Variants in LRRC7 observed in about 807,000 individuals in gnomAD.
The protein encoded by LRRC7 is leucine-rich repeat-containing protein 7.
In LRRC7, 23 loss-of-function variants were observed where a neutral mutation model predicts 175.7. The observed-to-expected ratio is 0.13, with a 90% CI of 0.09 to 0.19. The LOEUF (loss-of-function observed/expected upper bound fraction) is 0.19. Ranked by LOEUF, LRRC7 falls within the 10% of genes least tolerant of loss-of-function variation. LRRC7 has a pLI of 1.00. For missense variants in LRRC7, 1,354 were observed against 1,904.7 expected (o/e 0.71, Z 5.38); for synonymous variants, 685 against 680.9 (o/e 1.01, Z -0.09).
chr1:69,759,186 A>C (rs957989587), intron 2 of LRRC7, among the ~76,000 whole-genome samples: 1 of 152,038 alleles, frequency 6.6e-6, no homozygotes, highest in Admixed American at 6.6e-5. Flanking sequence ...AGCAATTATC[A>C]GTAGCTGACG....
At chr1:69,657,432 A>G (rs1211708706) in intron 1 of LRRC7, among the ~76,000 whole-genome samples, 3 of 151,990 alleles carry the variant, frequency 2.0e-5, no homozygotes, top group South Asian at 2.1e-4. Context: ...AAAATCATAT[A>G]TGGAAGCAGA....
chr1:69,922,833 T>C (rs1258956461), intron 7 of LRRC7, among the ~76,000 whole-genome samples: 1 of 152,084 alleles, frequency 6.6e-6, no homozygotes, highest in Non-Finnish European at 1.5e-5. Context: ...TATTATACTT[T>C]AAGTTTTAGG....
intron 25 of LRRC7, among the ~76,000 whole-genome samples, chr1:70,101,412 G>A (rs1488492978): frequency 1.3e-5 from 2 of 152,166 alleles, no homozygotes; most frequent in South Asian, 4.1e-4. Context: ...TGAAGTCATA[G>A]GTCCCTTAAG....
rs1680577104 is a variant in LRRC7, at chr1:69,831,995, T to C, written c.501-2785T>C. On this transcript the variant is annotated intron_variant, in intron 5 of 26. Coordinates refer to ENST00000651989, the MANE Select transcript of LRRC7 (RefSeq NM_001370785.2). Reference sequence around the variant, plus strand: ...CCTATCAATGACATTGAGGACTTATTACTAAGAATGTATAAAGAATTGCCA... The same window carrying C: ...CCTATCAATGACATTGAGGACTTATCACTAAGAATGTATAAAGAATTGCCA... Among the ~76,000 whole-genome samples, 3 of 152,222 alleles carry C rather than the reference T, an allele frequency of 2.0e-5. 1 individual carries two copies. Among genetic ancestry groups the C allele is most frequent in the South Asian group, 4.1e-4 (2 of 4,834 alleles).
rs118000181 is a variant in LRRC7 at position 70,136,892 on chromosome 1, A to T, written c.*15005A>T. The stretch of plus-strand genomic sequence containing the variant: ...AGGCATGCACCACCACTCCTGGCTA[A>T]TTTTTTATTTTTTGCAGAGACAGAG... On this transcript the variant is annotated 3_prime_UTR_variant, in exon 27 of 27. Coordinates refer to ENST00000651989, the MANE Select transcript of LRRC7 (RefSeq NM_001370785.2). Among the ~76,000 whole-genome samples the T allele has an allele frequency of 2.2e-4, 34 of 151,154 alleles. No homozygotes were observed. The East Asian group carries it at 6.6e-3, about 29-fold the overall frequency.
At chr1:69,813,851 G>A (rs1049448418) in intron 4 of LRRC7, among the ~76,000 whole-genome samples, 1 of 152,054 alleles carries the variant, frequency 6.6e-6, no homozygotes, top group African/African-American at 2.4e-5. Context: ...GGATTACGTG[G>A]TCTACAAATT....
At chr1:69,789,658 G>A (rs1190401071) in intron 3 of LRRC7, among the ~76,000 whole-genome samples, 1 of 151,916 alleles carries the variant, frequency 6.6e-6, no homozygotes, top group Non-Finnish European at 1.5e-5. Context: ...CTGGAATATA[G>A]CACTCTCTTT....
At chr1:69,589,048 A>T (rs1646519366) in intron 1 of LRRC7, among the ~76,000 whole-genome samples, 1 of 139,854 alleles carries the variant, frequency 7.2e-6, no homozygotes, top group Admixed American at 7.3e-5. Flanking sequence ...ATACATTTTT[A>T]GTTCAATTTG....
intron 7 of LRRC7, among the ~76,000 whole-genome samples, chr1:69,908,951 C>T (rs1200319081): frequency 2.6e-5 from 4 of 151,920 alleles, no homozygotes; most frequent in Non-Finnish European, 4.4e-5. Flanking sequence ...AGTCTGGGTG[C>T]TCCTGTATCG....
At position 70,102,143 on chromosome 1, in the gene LRRC7, T is replaced by C. The variant is rs367991397; in HGVS notation, c.4546-5609T>C. Among the ~76,000 whole-genome samples the C allele has an allele frequency of 3.3e-5, 5 of 152,344 alleles. No individual in the cohort carries two copies. The East Asian group carries it at 9.6e-4, about 29-fold the overall frequency. ...CATTACTATAAAGGGTTGATACTCC[T>C]GACTTGGAGCTACTAAAGGAAGTAG... On this transcript the variant is annotated intron_variant, in intron 25 of 26. Transcript: ENST00000651989.
chr1:69,958,725 C>A (rs184833111), intron 8 of LRRC7, among the ~76,000 whole-genome samples: 1 of 152,154 alleles, frequency 6.6e-6, no homozygotes, highest in East Asian at 1.9e-4. Flanking sequence ...GACCGCAAAA[C>A]ACATAAATGT....
At chr1:69,978,000 C>T (rs941011660) in intron 8 of LRRC7, among the ~76,000 whole-genome samples, 1 of 151,136 alleles carries the variant, frequency 6.6e-6, no homozygotes. Context: ...AGCCCGTTTG[C>T]TTCTCCTTCA....
intron 1 of LRRC7, among the ~76,000 whole-genome samples, chr1:69,631,945 CT>C (rs137959027): frequency 0.053 from 8,111 of 152,210 alleles, 251 homozygotes; most frequent in Admixed American, 0.068. Context: ...CCCTTGTTGA[CT>C]TAAGGTTTAA....
chr1:69,670,229 G>A (rs1363007113), intron 1 of LRRC7, among the ~76,000 whole-genome samples: 1 of 152,166 alleles, frequency 6.6e-6, no homozygotes, highest in South Asian at 2.1e-4. Flanking sequence ...TCCTGGGAAG[G>A]CTTTCAAGGT....
intron 1 of LRRC7, among the ~76,000 whole-genome samples, chr1:69,609,761 T>C (rs1279297351): frequency 6.6e-6 from 1 of 152,074 alleles, no homozygotes; most frequent in Admixed American, 6.6e-5. Flanking sequence ...TTTTCTGATA[T>C]TTAGATTGTT....
At chr1:69,695,962 C>T (rs1662527919) in intron 2 of LRRC7, among the ~76,000 whole-genome samples, 1 of 152,204 alleles carries the variant, frequency 6.6e-6, no homozygotes, top group African/African-American at 2.4e-5. Flanking sequence ...CAGAGAGTCC[C>T]TACTAGGGCA....
At chr1:69,944,447 C>T (rs900494603) in intron 8 of LRRC7, among the ~76,000 whole-genome samples, 9 of 152,014 alleles carry the variant, frequency 5.9e-5, no homozygotes, top group African/African-American at 1.9e-4. Context: ...TCCCAGCTAT[C>T]GTTAATAATG....
At chr1:69,866,290 T>A (rs1362529106) in intron 7 of LRRC7, among the ~76,000 whole-genome samples, 1 of 152,158 alleles carries the variant, frequency 6.6e-6, no homozygotes, top group Non-Finnish European at 1.5e-5. Context: ...GAGCTCTTTA[T>A]GGGAGCTGTG....
At chr1:69,905,617 G>A (rs866414772) in intron 7 of LRRC7, among the ~76,000 whole-genome samples, 25 of 151,996 alleles carry the variant, frequency 1.6e-4, no homozygotes, top group South Asian at 4.1e-4. Context: ...ATAGTATTCC[G>A]TGGTGTATAT....
Sources: allele counts gnomAD v4.1 joint callset (sites outside exome capture counted in the v4.1 genomes callset), GRCh38; gene constraint gnomAD v4.1.1; transcripts MANE v1.5; gene names NCBI Gene and HGNC (gene_info 2026-07-23, HGNC 2026-07-21).